Variants in TTC6 observed in about 807,000 individuals in gnomAD.
TTC6 encodes the protein tetratricopeptide repeat domain 6, also known as tetratricopeptide repeat protein 6.
In TTC6, 172 loss-of-function variants were observed where a neutral mutation model predicts 210.4. The ratio of observed to expected loss-of-function variants is 0.82; its 90% CI spans 0.72 to 0.93. The LOEUF (loss-of-function observed/expected upper bound fraction) is 0.93, where lower values mean the gene tolerates loss of function less well. TTC6 is among the 40% of genes least tolerant of loss of function. TTC6 has a pLI of 0.00. For missense variants in TTC6, 2,414 were observed against 2,318.1 expected, an observed-to-expected ratio of 1.04 and a Z score of -0.85; for synonymous variants, 804 against 819.6, an observed-to-expected ratio of 0.98 and a Z score of 0.32.
intron 4 of TTC6, among the ~76,000 whole-genome samples, chr14:37,698,725 A>G (rs1315530136): frequency 1.3e-5 from 2 of 152,144 alleles, no homozygotes; most frequent in African/African-American, 2.4e-5. Flanking sequence ...TAATGATTCA[A>G]TAGTGTCCAT....
At chr14:37,729,639 C>T (rs183391184) in intron 7 of TTC6, among the ~76,000 whole-genome samples, 7 of 152,230 alleles carry the variant, frequency 4.6e-5, no homozygotes, top group Non-Finnish European at 1.0e-4. Context: ...CTCTTTCTAC[C>T]TAATCCTTCC....
intron 15 of TTC6, among the ~76,000 whole-genome samples, chr14:37,788,461 T>G (rs1379515174): frequency 1.3e-5 from 2 of 152,206 alleles, no homozygotes; most frequent in Admixed American, 6.5e-5. Flanking sequence ...TTGATTGTCT[T>G]AAGTCCATTT....
chr14:37,688,396 T>C (rs896402450), intron 3 of TTC6, among the ~76,000 whole-genome samples: 2 of 152,150 alleles, frequency 1.3e-5, no homozygotes, highest in Non-Finnish European at 2.9e-5. Context: ...TAGGTCTGGC[T>C]GGTTTTGCCA....
intron 1 of TTC6, among the ~76,000 whole-genome samples, chr14:37,664,015 A>C (rs2095742961): frequency 1.4e-5 from 2 of 138,500 alleles, no homozygotes; most frequent in Non-Finnish European, 3.4e-5. Flanking sequence ...ACCCAAACAA[A>C]TGGAGAAACA....
At chr14:37,753,934 C>A (rs754185520) in intron 14 of TTC6, among the ~76,000 whole-genome samples, 1 of 151,494 alleles carries the variant, frequency 6.6e-6, no homozygotes, top group Non-Finnish European at 1.5e-5. Flanking sequence ...TGCATTGTAC[C>A]GTTTTCATTT....
chr14:37,713,259 C>G (rs1025798439), intron 5 of TTC6, among the ~76,000 whole-genome samples: 1 of 152,198 alleles, frequency 6.6e-6, no homozygotes, highest in Admixed American at 6.6e-5. Context: ...ACATTAGAAC[C>G]TTCTGCCTTC....
At chr14:37,714,130 C>T (rs2095848742) in intron 5 of TTC6, among the ~76,000 whole-genome samples, 1 of 152,090 alleles carries the variant, frequency 6.6e-6, no homozygotes. Flanking sequence ...TTAGCTTAAT[C>T]TTTTATTGAT....
intron 1 of TTC6, among the ~76,000 whole-genome samples, chr14:37,628,182 T>C (rs2095663610): frequency 6.6e-6 from 1 of 152,178 alleles, no homozygotes; most frequent in African/African-American, 2.4e-5. Flanking sequence ...TTGGTCATGC[T>C]AGTCTCGAAC....
intron 7 of TTC6, among the ~76,000 whole-genome samples, chr14:37,733,580 CTTAAATGTAAAGACTT>C (rs1226889123): frequency 2.6e-5 from 4 of 152,186 alleles, no homozygotes; most frequent in African/African-American, 9.7e-5. Flanking sequence ...AGAAGTAAGT[CTTAAATGTAAAGACTT>C]TGAAGCTAAT....
At chr14:37,629,266 T>C in intron 1 of TTC6, among the ~76,000 whole-genome samples, 1 of 152,204 alleles carries the variant, frequency 6.6e-6, no homozygotes, top group East Asian at 1.9e-4. Context: ...TTTGTTTGTG[T>C]CCTCTCTTAT....
intron 6 of TTC6, among the ~76,000 whole-genome samples, chr14:37,722,158 G>A (rs1055442602): frequency 2.6e-5 from 4 of 151,864 alleles, no homozygotes; most frequent in African/African-American, 9.7e-5. Flanking sequence ...GCATCAGCTC[G>A]TAGTATGCAT....
chr14:37,797,813 A>G (rs2096096171), intron 20 of TTC6, among the ~76,000 whole-genome samples: 1 of 151,958 alleles, frequency 6.6e-6, no homozygotes, highest in Non-Finnish European at 1.5e-5. Flanking sequence ...ACTCTATCTT[A>G]AGATTATTCT....
At chr14:37,620,534 G>T (rs925387236), upstream of TTC6, among the ~76,000 whole-genome samples, 4 of 152,084 alleles carry the variant, frequency 2.6e-5, no homozygotes, top group African/African-American at 9.7e-5. Context: ...AGGTAAGTGT[G>T]CCACAGAACC....
At chr14:37,826,426 G>T in intron 28 of TTC6, 79 bp downstream of exon 30, 1 of 1,271,986 alleles carries the variant, frequency 7.9e-7, no homozygotes, top group African/African-American at 1.5e-5. Context: ...GAAGTTCTCT[G>T]TTAGCTTTTT....
At chr14:37,792,662 A>G (rs973095018) in intron 17 of TTC6, among the ~76,000 whole-genome samples, 1 of 151,852 alleles carries the variant, frequency 6.6e-6, no homozygotes, top group Non-Finnish European at 1.5e-5. Flanking sequence ...CAAAAGCATT[A>G]TATACTTATT....
upstream of TTC6, chr14:37,595,808 G>A (rs950199956): frequency 3.9e-5 from 6 of 152,364 alleles, no homozygotes; most frequent in African/African-American, 1.4e-4. Flanking sequence ...TTCAACCCCG[G>A]GAGACTGGAG....
At chr14:37,832,186 TGGGTC>T (rs2139021124) in intron 29 of TTC6, among the ~76,000 whole-genome samples, 1 of 152,124 alleles carries the variant, frequency 6.6e-6, no homozygotes, top group African/African-American at 2.4e-5. Context: ...TTTGTTTATT[TGGGTC>T]TTTTCTCTCA....
chr14:37,720,347 C>T (rs942456014), intron 6 of TTC6: 1 of 151,906 alleles, frequency 6.6e-6, no homozygotes, highest in African/African-American at 2.4e-5. Flanking sequence ...TGCATACAAC[C>T]CAGCAATTGC....
At chr14:37,745,012 A>C (rs12434788) in intron 10 of TTC6, among the ~76,000 whole-genome samples, 100,174 of 151,492 alleles carry the variant, frequency 0.66, 33,646 homozygotes, top group East Asian at 0.89. Flanking sequence ...ACACACACAC[A>C]CACCCACACA....
Sources: gnomAD v4.1 joint callset for allele counts (sites outside exome capture counted in the v4.1 genomes callset) on GRCh38, gnomAD v4.1.1 for gene constraint, MANE v1.5 for transcripts, NCBI Gene and HGNC (gene_info 2026-07-23, HGNC 2026-07-21) for gene names.